The following MUC12 variants were observed in gnomAD, a reference collection of about 807,000 sequenced individuals.
The protein encoded by MUC12 is mucin 12, cell surface associated.
A neutral mutation model predicts 230.8 loss-of-function variants in MUC12; 172 were observed. The observed-to-expected ratio is 0.75, with a 90% CI of 0.66 to 0.85. The LOEUF (loss-of-function observed/expected upper bound fraction) is 0.85, where lower values mean the gene tolerates loss of function less well. Ranked by LOEUF, MUC12 falls within the 40% of genes least tolerant of loss-of-function variation. MUC12 has a pLI of 0.00. For synonymous variants in MUC12, 1,259 were observed against 2,401.9 expected, an observed-to-expected ratio of 0.52 and a Z score of 13.91; for missense variants, 3,506 against 5,920.6, an observed-to-expected ratio of 0.59 and a Z score of 13.38.
chr7:100,971,881 C>T (rs1216683662), intron 1 of MUC12, among the ~76,000 whole-genome samples: 1 of 152,306 alleles, frequency 6.6e-6, no homozygotes, highest in Non-Finnish European at 1.5e-5. Context: ...CCTCTGTGTA[C>T]CCAGCCGTGT....
At chr7:100,983,345 G>A (rs893163050) in intron 1 of MUC12, among the ~76,000 whole-genome samples, 4 of 151,640 alleles carry the variant, frequency 2.6e-5, no homozygotes, top group East Asian at 3.9e-4. Context: ...GCTTGAGTCC[G>A]GGAGATGGAG....
rs1486653211 is a variant in MUC12 at position 100,991,921 on chromosome 7, C to A, written c.1358C>A (p.Pro453His). 2.0e-6 allele frequency: 3 copies of A among 1,537,828 alleles called. No homozygotes were observed. The highest frequency in any genetic ancestry group is 1.2e-5 in the South Asian group (1 of 84,072). The change falls in exon 2 of 12, where the codon CCT becomes CAT. Residue 453 changes from proline to histidine, a missense_variant. Physicochemically the swap from Pro to His is moderately conservative, Grantham distance 77. Transcript: ENST00000536621. ...SPDAMATTVL[P>H]AGSTPSVLVG... is the part of the protein sequence containing the mutation. ...GATGCAATGGCAACAACAGTCTTAC[C>A]TGCCGGCTCTACACCCTCAGTTCTT...
At chr7:100,978,345 C>T (rs142971627) in intron 1 of MUC12, among the ~76,000 whole-genome samples, 3 of 152,212 alleles carry the variant, frequency 2.0e-5, no homozygotes, top group Non-Finnish European at 1.5e-5. Flanking sequence ...GGCTATCTAG[C>T]TCTTGTGTGG....
chr7:101,013,231 G>T, intron 8 of MUC12, 89 bp downstream of exon 8: 2 of 1,455,068 alleles, frequency 1.4e-6, no homozygotes, highest in East Asian at 2.5e-5. Context: ...TTGGGGGATT[G>T]AGTAGAGCTT....
At chr7:101,007,383 C>CT (rs1793771693) in intron 3 of MUC12, among the ~76,000 whole-genome samples, 1 of 152,176 alleles carries the variant, frequency 6.6e-6, no homozygotes, top group Admixed American at 6.5e-5. Flanking sequence ...CCATGCCCAC[C>CT]TCCCTCTCAC....
At chr7:100,988,827 C>T (rs1032515587) in intron 1 of MUC12, among the ~76,000 whole-genome samples, 5 of 151,956 alleles carry the variant, frequency 3.3e-5, no homozygotes, top group Non-Finnish European at 7.4e-5. Context: ...TGGGAGGGAC[C>T]CAGTGGGAGA....
At chr7:100,990,532 A>C (rs993176008) in intron 1 of MUC12, 99 bp from the exon 2 acceptor site, 13 of 1,393,164 alleles carry the variant, frequency 9.3e-6, no homozygotes, top group Middle Eastern at 1.8e-4. Flanking sequence ...TGGGCTGACC[A>C]GGTGTCTTCC....
At position 101,009,202 on chromosome 7, in the gene MUC12, T is replaced by G. The variant is rs1035694759; in HGVS notation, c.15251+43T>G. On this transcript the variant is annotated intron_variant, in intron 5 of 11. Coordinates refer to ENST00000536621, the MANE Select transcript of MUC12 (RefSeq NM_001164462.2). ...CAGGTTTATAGATGTGGGGAAATCC[T>G]CCTTGTCCCTGCTTTCCTGCCTCCT... 17 of 1,516,162 alleles carry G rather than the reference T, an allele frequency of 1.1e-5. No homozygotes were observed. In the African/African-American group the frequency reaches 2.2e-4, roughly 20 times the overall value. 93.9% of individuals were successfully genotyped at this position (1,516,162 alleles called of 1,614,324 possible). A position where few individuals can be genotyped will look rare whatever the true frequency, so the allele number is the denominator to read the frequency against.
rs1385574592 is a variant in MUC12, at chr7:101,018,612, G to T, written c.15984G>T (p.Pro5328=). 1 of 1,535,918 alleles carries T rather than the reference G, an allele frequency of 6.5e-7. No individual in the cohort carries two copies. ...DSGTELHIQR[P]EMVASTV is the part of the protein sequence containing the mutation. ...TCCCCCAGCTCCACATCCAGAGGCCGGAGATGGTAGCATCCACTGTGTGAG... is the reference window on the plus strand; with the variant it reads ...TCCCCCAGCTCCACATCCAGAGGCCTGAGATGGTAGCATCCACTGTGTGAG... The change falls in exon 12 of 12, where the codon CCG becomes CCT. Residue 5328 remains proline, a synonymous_variant. Transcript: ENST00000536621.
chr7:101,005,219 G>C lies in MUC12; in HGVS notation c.14656G>C (p.Gly4886Arg), dbSNP rs1793723950. ...ATCTACACCCTTCCCTGACAGCCCA[G>C]GCTTCACTCACACAGTGTTACCTGC... The part of the protein sequence containing the change: ...QQSTPFPDSP[G>R]FTHTVLPATL... The change falls in exon 2 of 12, where the codon GGC becomes CGC. Residue 4886 changes from glycine (G) to arginine (R), a missense_variant. By Grantham distance (125) the Gly-to-Arg change is moderately radical. Coordinates refer to ENST00000536621, the MANE Select transcript of MUC12 (RefSeq NM_001164462.2). 2 of 1,537,738 alleles carry C rather than the reference G, an allele frequency of 1.3e-6. No homozygotes were observed. Among genetic ancestry groups the C allele is most frequent in the African/African-American group, 2.7e-5 (2 of 73,024 alleles).
chr7:100,969,652 T>C lies in MUC12; in HGVS notation c.30T>C (p.Ala10=). ...TGGTGATCTGGATTCTGACGCTGGC[T>C]CTCCGGCTCTGCGCGTCCGTTACTA... MLVIWILTL[A]LRLCASVTTV... Residue 10 remains alanine, a synonymous_variant, in exon 1 of 12, where the codon GCT becomes GCC. Coordinates refer to ENST00000536621, the MANE Select transcript of MUC12 (RefSeq NM_001164462.2). 6.5e-7 allele frequency: 1 copy of C among 1,537,408 alleles called. No homozygotes were observed. Among genetic ancestry groups the C allele is most frequent in the African/African-American group, 1.4e-5 (1 of 73,204 alleles).
intron 2 of MUC12, among the ~76,000 whole-genome samples, chr7:101,005,800 AT>A (rs58353499): frequency 0.046 from 6,809 of 146,530 alleles, 371 homozygotes; most frequent in African/African-American, 0.14. Flanking sequence ...TCTTCTCTGG[AT>A]TTTTTTTTTT....
At chr7:100,970,020 C>A (rs1792826453) in intron 1 of MUC12, among the ~76,000 whole-genome samples, 1 of 152,312 alleles carries the variant, frequency 6.6e-6, no homozygotes, top group Non-Finnish European at 1.5e-5. Flanking sequence ...TCTCTGCCTG[C>A]CCTCATCCTG....
chr7:100,992,435 T>A lies in MUC12; in HGVS notation c.1872T>A (p.Ser624=). The part of the protein sequence containing the change: ...SPHTTLSPAG[S]TTRQGESTTF... ...ACACAACACTGTCCCCTGCCGGCTC[T>A]ACAACCCGTCAGGGAGAATCTACCA... The change falls in exon 2 of 12, where the codon TCT becomes TCA. Residue 624 remains serine, a synonymous_variant. Transcript: ENST00000536621. 1 of 1,537,958 alleles carries A rather than the reference T, an allele frequency of 6.5e-7. No homozygotes were observed. The highest frequency in any genetic ancestry group is 8.7e-7 in the Non-Finnish European group (1 of 1,147,068).
rs1793905986 is a variant in MUC12, at chr7:101,015,692, G to A, written c.15877+1G>A. 6.5e-7 allele frequency: 1 copy of A among 1,537,338 alleles called. No homozygotes were observed. Among genetic ancestry groups the A allele is most frequent in the Non-Finnish European group, 8.7e-7 (1 of 1,146,848 alleles). ...TTCCAGAAGACGGCCATCTGGGAAG[G>A]TACCTCTAGTTAAGGGCAAGGAGAT... On this transcript the variant is annotated splice_donor_variant, in intron 10 of 11. Coordinates refer to ENST00000536621, the MANE Select transcript of MUC12 (RefSeq NM_001164462.2). LOFTEE classifies it high-confidence loss of function.
intron 1 of MUC12, among the ~76,000 whole-genome samples, chr7:100,980,509 A>C (rs1395881320): frequency 6.6e-6 from 1 of 152,202 alleles, no homozygotes; most frequent in Non-Finnish European, 1.5e-5. Flanking sequence ...CTATTCTTGG[A>C]CATGTGTACC....
chr7:100,993,965 C>A lies in MUC12; in HGVS notation c.3402C>A (p.Ser1134Arg). 7.2e-7 allele frequency: 1 copy of A among 1,387,400 alleles called. No homozygotes were observed. Among genetic ancestry groups the A allele is most frequent in the Admixed American group, 2.2e-5 (1 of 45,126 alleles). 85.9% of individuals were successfully genotyped at this position (1,387,400 alleles called of 1,614,324 possible). The change falls in exon 2 of 12, where the codon AGC (serine) becomes AGA (arginine). Residue 1134 changes from serine to arginine, a missense_variant. Transcript: ENST00000536621. ...GVGEESTTSR[S>R]QPGSTHSTVS... is the part of the protein sequence containing the mutation. ...GTGAAGAATCCACCACCTCCCGTAG[C>A]CAACCAGGTTCTACTCACTCAACAG...
chr7:101,002,874 C>G lies in MUC12; in HGVS notation c.12311C>G (p.Ser4104Cys). The change falls in exon 2 of 12, where the codon TCC becomes TGC. Residue 4104 changes from serine (S) to cysteine (C), a missense_variant. Ser to Cys is a moderately radical substitution (Grantham distance 112). Coordinates refer to ENST00000536621, the MANE Select transcript of MUC12 (RefSeq NM_001164462.2). ...PSTTAVPVEV[S>C]TTYHSRPSST... The stretch of plus-strand genomic sequence containing the variant: ...ACCACAGCAGTCCCTGTTGAAGTAT[C>G]CACAACCTACCACAGCCGCCCGAGC... 2 of 1,167,424 alleles carry G rather than the reference C, an allele frequency of 1.7e-6. No homozygotes were observed. The highest frequency in any genetic ancestry group is 2.4e-6 in the Non-Finnish European group (2 of 842,630). 72.3% of individuals were successfully genotyped at this position (1,167,424 alleles called of 1,614,324 possible).
In MUC12 at chr7:100,995,643, A is replaced by C. The variant is rs1457640607; in HGVS notation, c.5080A>C (p.Ser1694Arg). ...ATCTACCACCTTCCAGAGCTGGCCAAGCTCAAAGGACACTATGCCTGCACC... is the reference window on the plus strand; with the variant it reads ...ATCTACCACCTTCCAGAGCTGGCCACGCTCAAAGGACACTATGCCTGCACC... ...GESTTFQSWP[S>R]SKDTMPAPPT... The change falls in exon 2 of 12, where the codon AGC becomes CGC. Residue 1694 changes from serine to arginine, a missense_variant. Ser to Arg is a moderately radical substitution (Grantham distance 110). Coordinates refer to ENST00000536621, the MANE Select transcript of MUC12 (RefSeq NM_001164462.2). The C allele has an allele frequency of 1.4e-5, 21 of 1,537,030 alleles. No individual in the cohort carries two copies. The highest frequency in any genetic ancestry group is 3.9e-5 in the Admixed American group (2 of 50,952).
Sources: gnomAD v4.1 joint callset for allele counts (sites outside exome capture counted in the v4.1 genomes callset) on GRCh38, gnomAD v4.1.1 for gene constraint, MANE v1.5 for transcripts, NCBI Gene and HGNC (gene_info 2026-07-23, HGNC 2026-07-21) for gene names.